The following SORBS2 variants were observed in gnomAD, a reference collection of about 807,000 sequenced individuals.
SORBS2 encodes the protein sorbin and SH3 domain-containing protein 2.
SORBS2 carries 46 observed loss-of-function variants against 97.7 expected under a neutral mutation model. The ratio of observed to expected loss-of-function variants is 0.47; its 90% CI spans 0.37 to 0.60. The LOEUF is 0.60. Ranked by LOEUF, SORBS2 falls within the 20% of genes least tolerant of loss-of-function variation. SORBS2 has a pLI of 0.00. For missense variants in SORBS2, 1,316 were observed against 1,282.3 expected (o/e 1.03, Z -0.40); for synonymous variants, 476 against 473.4 (o/e 1.01, Z -0.07).
intron 12 of SORBS2, among the ~76,000 whole-genome samples, chr4:185,599,611 C>T (rs771782574): frequency 1.3e-5 from 2 of 152,134 alleles, no homozygotes; most frequent in South Asian, 2.1e-4. Context: ...TGTGTGAGTT[C>T]GGCACTGTAG....
chr4:185,759,819 A>G (rs1233316794), intron 2 of SORBS2, among the ~76,000 whole-genome samples: 1 of 152,174 alleles, frequency 6.6e-6, no homozygotes, highest in African/African-American at 2.4e-5. Context: ...AGTTGCTCTC[A>G]TGGTCTTATG....
At chr4:185,629,116 A>G in intron 5 of SORBS2, among the ~76,000 whole-genome samples, 1 of 152,192 alleles carries the variant, frequency 6.6e-6, no homozygotes, top group Admixed American at 6.5e-5. Flanking sequence ...TCTCAGTTTT[A>G]CAAATGGTAA....
intron 4 of SORBS2, among the ~76,000 whole-genome samples, chr4:185,671,610 A>T (rs1469562606): frequency 6.6e-6 from 1 of 152,226 alleles, no homozygotes; most frequent in East Asian, 1.9e-4. Context: ...ATGTTTTACA[A>T]AATTAAAATG....
intron 2 of SORBS2, among the ~76,000 whole-genome samples, chr4:185,687,958 C>T (rs1385654624): frequency 6.6e-6 from 1 of 152,172 alleles, no homozygotes; most frequent in African/African-American, 2.4e-5. Flanking sequence ...CTTTTGTCCT[C>T]ATTAATGACC....
rs1030402027 is a variant in SORBS2, at chr4:185,588,391, T to C, written c.2954-703A>G. On this transcript the variant is annotated intron_variant, in intron 14 of 14. Coordinates refer to ENST00000418609, the Ensembl canonical transcript of SORBS2. ...TGGCTATCATAATTATGTTCGCCTC[T>C]GGTTTCAAATAATGTAATTCCTTGG... Among the ~76,000 whole-genome samples, 8 of 152,348 alleles carry C rather than the reference T, an allele frequency of 5.3e-5. No individual in the cohort carries two copies. In the East Asian group the frequency reaches 1.4e-3, roughly 26 times the overall value.
At chr4:185,592,079 G>A (rs2095955812) in intron 13 of SORBS2, 1 of 152,228 alleles carries the variant, frequency 6.6e-6, no homozygotes, top group African/African-American at 2.4e-5. Flanking sequence ...TTGGTGAGGT[G>A]AGTGATGGTG....
chr4:185,728,448 T>C (rs2098581403), intron 2 of SORBS2, among the ~76,000 whole-genome samples: 1 of 152,222 alleles, frequency 6.6e-6, no homozygotes, highest in African/African-American at 2.4e-5. Context: ...ATGGCTCTTA[T>C]CTCTTATGCT....
intron 1 of SORBS2, among the ~76,000 whole-genome samples, chr4:185,826,557 C>A (rs1163119252): frequency 6.6e-6 from 1 of 152,208 alleles, no homozygotes; most frequent in Non-Finnish European, 1.5e-5. Context: ...CTGCAAGACA[C>A]ACTTCACAAT....
chr4:185,805,256 G>A (rs184472649), intron 1 of SORBS2, among the ~76,000 whole-genome samples: 92 of 151,978 alleles, frequency 6.1e-4, no homozygotes, highest in African/African-American at 2.0e-3. Flanking sequence ...TTTAATAATA[G>A]CCTTTTTAAA....
At chr4:185,601,985 G>A (rs1296255811) in intron 12 of SORBS2, among the ~76,000 whole-genome samples, 2 of 152,228 alleles carry the variant, frequency 1.3e-5, no homozygotes, top group East Asian at 3.8e-4. Context: ...GGATGGAAAT[G>A]GAGGCTCAGC....
chr4:185,753,327 A>G (rs2153601169), intron 2 of SORBS2, among the ~76,000 whole-genome samples: 1 of 152,350 alleles, frequency 6.6e-6, no homozygotes, highest in East Asian at 1.9e-4. Context: ...GAAAAGATAG[A>G]TGCGGCTAGA....
chr4:185,745,428 G>C (rs1292791938), intron 2 of SORBS2, among the ~76,000 whole-genome samples: 8 of 152,106 alleles, frequency 5.3e-5, no homozygotes, highest in Non-Finnish European at 8.8e-5. Flanking sequence ...CTTGCGTTAA[G>C]AATTAACTAA....
chr4:185,667,160 C>T (rs6853602), intron 4 of SORBS2, among the ~76,000 whole-genome samples: 133,209 of 152,026 alleles, frequency 0.88, 59,044 homozygotes, highest in Non-Finnish European at 0.94. Context: ...TCAGAACAGA[C>T]ACTTTTTGGA....
intron 2 of SORBS2, chr4:185,773,715 G>A (rs1259124265): frequency 2.6e-5 from 4 of 152,262 alleles, no homozygotes; most frequent in Non-Finnish European, 5.9e-5. Flanking sequence ...GTCAAACTCT[G>A]TATTTGGCTG....
Position 185,903,200 on chromosome 4 carries a change from T to G in SORBS2, c.-338+52996A>C, listed in dbSNP as rs989235011. Among the ~76,000 whole-genome samples the G allele has an allele frequency of 7.2e-5, 11 of 152,316 alleles. No individual in the cohort carries two copies. In the East Asian group the frequency reaches 1.5e-3, roughly 21 times the overall value. ...ATTTTATAGTGATTTTGGGGGGGCA[T>G]GCCATAGGAAATGATTTGATATCTG... On this transcript the variant is annotated intron_variant, in intron 1 of 20. Transcript: ENST00000284776.
At chr4:185,676,734 C>A (rs566450127) in intron 4 of SORBS2, among the ~76,000 whole-genome samples, 1 of 106,250 alleles carries the variant, frequency 9.4e-6, no homozygotes, top group African/African-American at 3.7e-5. Flanking sequence ...AATGATTTCC[C>A]ATAAACATCT....
At chr4:185,947,641 C>T (rs562852792) in intron 1 of SORBS2, among the ~76,000 whole-genome samples, 30 of 152,086 alleles carry the variant, frequency 2.0e-4, no homozygotes, top group African/African-American at 5.8e-4. Context: ...GATGGAGTTT[C>T]GCTCTTGTTG....
At chr4:185,916,285 G>A (rs1561297943) in intron 1 of SORBS2, among the ~76,000 whole-genome samples, 1 of 152,134 alleles carries the variant, frequency 6.6e-6, no homozygotes, top group African/African-American at 2.4e-5. Context: ...GATGTTCTTT[G>A]GTCTGTTTTC....
At chr4:185,901,768 C>A (rs1416441007) in intron 1 of SORBS2, among the ~76,000 whole-genome samples, 2 of 152,144 alleles carry the variant, frequency 1.3e-5, no homozygotes, top group African/African-American at 2.4e-5. Flanking sequence ...AGCTCCTTAG[C>A]AGAGCAAAAT....
Sources: gnomAD v4.1 joint callset for allele counts (sites outside exome capture counted in the v4.1 genomes callset) on GRCh38, gnomAD v4.1.1 for gene constraint, MANE v1.5 for transcripts, NCBI Gene and HGNC (gene_info 2026-07-23, HGNC 2026-07-21) for gene names.